The following FAM193B variants were observed in gnomAD, a reference collection of about 807,000 sequenced individuals.
FAM193B encodes family with sequence similarity 193 member B.
A neutral mutation model predicts 70.7 loss-of-function variants in FAM193B; 27 were observed. The observed-to-expected ratio is 0.38, with a 90% CI of 0.28 to 0.53. The LOEUF is 0.53. FAM193B is among the 20% of genes least tolerant of loss of function. The pLI, the probability that FAM193B is intolerant of heterozygous loss-of-function variation, is 0.81. For missense variants in FAM193B, 1,022 were observed against 1,072.5 expected (o/e 0.95, Z 0.66); for synonymous variants, 448 against 436.0 (o/e 1.03, Z -0.34).
intron 3 of FAM193B, 29 bp downstream of exon 3, chr5:177,537,844 C>T: frequency 6.3e-7 from 1 of 1,593,916 alleles, no homozygotes; most frequent in Non-Finnish European, 8.6e-7. Flanking sequence ...TTTATAGGGC[C>T]TGGCTCTCTC....
chr5:177,527,836 C>A (rs918701655), intron 5 of FAM193B, among the ~76,000 whole-genome samples: 1 of 152,190 alleles, frequency 6.6e-6, no homozygotes, highest in African/African-American at 2.4e-5. Flanking sequence ...ATTGACTAGA[C>A]AGACAACAGA....
chr5:177,551,780 C>A (rs1042096554), intron 1 of FAM193B, among the ~76,000 whole-genome samples: 1 of 152,212 alleles, frequency 6.6e-6, no homozygotes, highest in Non-Finnish European at 1.5e-5. Flanking sequence ...GTTTCATCTT[C>A]CTTATCCACT....
chr5:177,523,850 G>C, intron 7 of FAM193B, 107 bp downstream of exon 7: 1 of 1,303,934 alleles, frequency 7.7e-7, no homozygotes, highest in South Asian at 1.3e-5. Flanking sequence ...CAAGGGGTCA[G>C]GGCCAAGGGA....
At chr5:177,553,813 C>T (rs771365453) in intron 1 of FAM193B, 1 of 1,285,186 alleles carries the variant, frequency 7.8e-7, no homozygotes, top group South Asian at 1.2e-5. Flanking sequence ...CTGCAGGGGA[C>T]GGAGTGGAGC....
chr5:177,548,651 T>C (rs1383366891), intron 1 of FAM193B, among the ~76,000 whole-genome samples: 22 of 152,172 alleles, frequency 1.4e-4, no homozygotes, highest in Non-Finnish European at 3.2e-4. Context: ...AGACTGACTC[T>C]GTAAGTCTGG....
At position 177,538,198 on chromosome 5, in the gene FAM193B, T is replaced by C. The variant is rs925245384; in HGVS notation, c.454-91A>G. On this transcript the variant is annotated intron_variant, in intron 2 of 8. Coordinates refer to ENST00000514747, the MANE Select transcript of FAM193B (RefSeq NM_001190946.3). This position sits in a 1 kb window ranked among gnomAD's most constrained non-coding sequence, Gnocchi z 4.1. ...CTCAGCTTTTCCTGAGGGAGCTCCT[T>C]CTCCTCCAGACCATGTGCCATAGCA... The C allele has an allele frequency of 5.4e-5, 71 of 1,326,066 alleles. No homozygotes were observed. The highest frequency in any genetic ancestry group is 6.9e-5 in the Non-Finnish European group (68 of 982,342). The allele number at this position is 1,326,066 out of a possible 1,614,324, so 82.1% of individuals were successfully genotyped here.
chr5:177,550,458 G>A (rs1206230433), intron 1 of FAM193B, among the ~76,000 whole-genome samples: 1 of 152,230 alleles, frequency 6.6e-6, no homozygotes, highest in Non-Finnish European at 1.5e-5. Flanking sequence ...TTTTATTAAA[G>A]ATACTGACTA....
rs777041440 is a variant in FAM193B, at chr5:177,523,910, G to C, written c.2372+47C>G. On this transcript the variant is annotated intron_variant, in intron 7 of 8. Coordinates refer to ENST00000514747, the MANE Select transcript of FAM193B (RefSeq NM_001190946.3). Reference sequence around the variant, plus strand: ...ACAACACAGGGCTTGAGTGTGGGCAGGACCTGGAGTCCTCCACAAGTGGGA... The same window carrying C: ...ACAACACAGGGCTTGAGTGTGGGCACGACCTGGAGTCCTCCACAAGTGGGA... 1.9e-6 allele frequency: 3 copies of C among 1,600,248 alleles called. No homozygotes were observed. The South Asian group carries it at 3.3e-5, about 18-fold the overall frequency.
In FAM193B at chr5:177,525,162, G is replaced by A. The variant is rs373417444; in HGVS notation, c.1319C>T (p.Ala440Val). The A allele has an allele frequency of 1.1e-5, 17 of 1,511,382 alleles. No individual in the cohort carries two copies. Among genetic ancestry groups the A allele is most frequent in the Middle Eastern group, 3.6e-4 (2 of 5,628 alleles). The allele number at this position is 1,511,382 out of a possible 1,614,324, so 93.6% of individuals were successfully genotyped here. A position where few individuals can be genotyped will look rare whatever the true frequency, so the allele number is the denominator to read the frequency against. Residue 440 changes from alanine (A) to valine (V), a missense_variant, in exon 6 of 9, where the codon GCA (alanine) becomes GTA (valine). Coordinates refer to ENST00000514747, the MANE Select transcript of FAM193B (RefSeq NM_001190946.3). ...CTCCCGGCTTCCAGAAACACGATTT[G>A]CCTGCTTTAGAGCTTCTGCTGCCAA... ...AQLAAEALKQ[A>V]NRVSGSREPR... is the part of the protein sequence containing the mutation.
Position 177,532,749 on chromosome 5 carries a change from ACAGAGGTCC to A in FAM193B, c.1077-117_1077-109del, listed in dbSNP as rs1763674062. The A allele has an allele frequency of 6.4e-6, 7 of 1,086,678 alleles. No homozygotes were observed. The highest frequency in any genetic ancestry group is 8.8e-6 in the Non-Finnish European group (7 of 795,132). The allele number at this position is 1,086,678 out of a possible 1,614,324, so 67.3% of individuals were successfully genotyped here. On this transcript the variant is annotated intron_variant, in intron 4 of 8. Transcript: ENST00000514747. The surrounding 1 kb of genome is among the most constrained non-coding windows in gnomAD (Gnocchi z 4.9). The stretch of plus-strand genomic sequence containing the variant: ...GACCGCCCTTCACTTGCCCCACTCC[ACAGAGGTCC>A]CAGGTGGTCCAACTACATTGCACCT...
At chr5:177,545,084 T>C (rs547074052) in intron 1 of FAM193B, among the ~76,000 whole-genome samples, 1 of 152,278 alleles carries the variant, frequency 6.6e-6, no homozygotes, top group African/African-American at 2.4e-5. Context: ...CGCTCTGTCA[T>C]CCAGGCTGGA....
Position 177,530,716 on chromosome 5 carries a change from G to T in FAM193B, c.1275+1727C>A, listed in dbSNP as rs182490312. 1.9e-4 allele frequency among the ~76,000 whole-genome samples: 29 copies of T among 152,250 alleles called. No individual in the cohort carries two copies. The East Asian group carries it at 5.4e-3, about 28-fold the overall frequency. On this transcript the variant is annotated intron_variant, in intron 5 of 8. Transcript: ENST00000514747. ...ACAGCTCTTCCGCAGGGCCTCAGAG[G>T]CCCTCCCTCAACAACACTGTCCATC...
At chr5:177,547,800 G>A (rs149413484) in intron 1 of FAM193B, among the ~76,000 whole-genome samples, 33 of 152,276 alleles carry the variant, frequency 2.2e-4, no homozygotes, top group African/African-American at 7.7e-4. Context: ...AGCATCCTAA[G>A]CATGGAGGGG....
At chr5:177,531,534 G>T in intron 5 of FAM193B, 1 of 1,280,692 alleles carries the variant, frequency 7.8e-7, no homozygotes. Flanking sequence ...GGGGGTGGGG[G>T]GGAGGTGCTG....
At chr5:177,528,782 C>A (rs1763012389) in intron 5 of FAM193B, among the ~76,000 whole-genome samples, 1 of 152,088 alleles carries the variant, frequency 6.6e-6, no homozygotes, top group Non-Finnish European at 1.5e-5. Context: ...GTACAGGAAG[C>A]CCAGGGAACC....
Position 177,539,093 on chromosome 5 carries a change from C to T in FAM193B, c.265G>A (p.Glu89Lys), listed in dbSNP as rs757308524. ...GGGCCTTCTTCCCAGCCTTTGCGTT[C>T]CCGGTGACACAGCAGGCAGCAAGTC... ...VQTCCLLCHRERKGWEEGPSQ... is the reference protein window; with the variant it reads ...VQTCCLLCHRKRKGWEEGPSQ... The change falls in exon 2 of 9, where the codon GAA (glutamate) becomes AAA (lysine). Residue 89 changes from glutamate to lysine, a missense_variant. Physicochemically the swap from Glu to Lys is moderately conservative, Grantham distance 56 (BLOSUM62 1). Transcript: ENST00000514747. 13 of 1,609,532 alleles carry T rather than the reference C, an allele frequency of 8.1e-6. No individual in the cohort carries two copies. Among genetic ancestry groups the T allele is most frequent in the Non-Finnish European group, 5.1e-6 (6 of 1,177,766 alleles).
chr5:177,523,859 G>GAGC, intron 7 of FAM193B, 98 bp downstream of exon 7: 1 of 1,373,806 alleles, frequency 7.3e-7, no homozygotes. Context: ...AGGGCCAAGG[G>GAGC]AGCAGGCCTT....
intron 1 of FAM193B, chr5:177,553,698 CA>C (rs752641530): frequency 7.2e-5 from 93 of 1,287,692 alleles, no homozygotes; most frequent in Non-Finnish European, 9.1e-5. Context: ...GAAACCCCAC[CA>C]AAAACTCCTC....
At position 177,538,910 on chromosome 5, in the gene FAM193B, C is replaced by G; in HGVS notation, c.448G>C (p.Val150Leu). 6.2e-7 allele frequency: 1 copy of G among 1,614,028 alleles called. No individual in the cohort carries two copies. Among genetic ancestry groups the G allele is most frequent in the Admixed American group, 1.7e-5 (1 of 60,038 alleles). ...CCCTGTCAGCGGTTACCTACCGCCA[C>G]TGCATGTTCTCGACCTGTCTGCCTT... ...DERQTGREHA[V>L]AISLSHTSCK... is the part of the protein sequence containing the mutation. Residue 150 changes from valine to leucine, a missense_variant, in exon 2 of 9, where the codon GTG becomes CTG. Val to Leu is a conservative substitution (Grantham distance 32). Transcript: ENST00000514747. The surrounding 1 kb of genome is among the most constrained non-coding windows in gnomAD (Gnocchi z 4.1).
Sources: allele counts gnomAD v4.1 joint callset (sites outside exome capture counted in the v4.1 genomes callset), GRCh38; gene constraint gnomAD v4.1.1; non-coding constraint Gnocchi (gnomAD v3.1); transcripts MANE v1.5; gene names NCBI Gene and HGNC (gene_info 2026-07-23, HGNC 2026-07-21).